COL21A1: variants seen among roughly 807,000 people sequenced by gnomAD.
COL21A1 encodes the protein collagen alpha-1(XXI) chain.
COL21A1 carries 149 observed loss-of-function variants against 137.9 expected under a neutral mutation model. That is an observed-to-expected ratio of 1.08 (90% confidence interval 0.95 to 1.24). The LOEUF (loss-of-function observed/expected upper bound fraction) is 1.24. Ranked by LOEUF, COL21A1 falls within the 50% of genes most tolerant of loss-of-function variation. The pLI is 0.00. For missense variants in COL21A1, 1,167 were observed against 1,158.4 expected (o/e 1.01, Z -0.11); for synonymous variants, 456 against 391.5 (o/e 1.16, Z -1.95).
chr6:56,188,843 A>G (rs1345695779), intron 1 of COL21A1, among the ~76,000 whole-genome samples: 1 of 152,180 alleles, frequency 6.6e-6, no homozygotes, highest in Non-Finnish European at 1.5e-5. Flanking sequence ...GGCAAACAGG[A>G]TGTGGAATGG....
At chr6:56,185,431 T>TTTTTTTTC in intron 1 of COL21A1, among the ~76,000 whole-genome samples, 1 of 128,910 alleles carries the variant, frequency 7.8e-6, no homozygotes, top group Non-Finnish European at 1.6e-5. Context: ...ACAGTCTTTT[T>TTTTTTTTC]TTTTTTTTTT....
chr6:56,100,179 C>T (rs1582353029), intron 17 of COL21A1, among the ~76,000 whole-genome samples: 1 of 152,298 alleles, frequency 6.6e-6, no homozygotes, highest in South Asian at 2.1e-4. Context: ...ATTTCCTGGG[C>T]ACACCTTTAA....
intron 12 of COL21A1, among the ~76,000 whole-genome samples, chr6:56,129,675 C>CATGTGT (rs1258564310): frequency 7.3e-6 from 1 of 136,414 alleles, no homozygotes; most frequent in Non-Finnish European, 1.5e-5. Flanking sequence ...CACGTGCGTG[C>CATGTGT]GTGTGTGTGT....
chr6:56,381,639 G>A lies in COL21A1; in HGVS notation c.-39+12332C>T, dbSNP rs144008981. On this transcript the variant is annotated intron_variant, in intron 1 of 28. Transcript: ENST00000370819. Reference sequence around the variant, plus strand: ...TTTGGGTGTCACATTAAATTTCACCGAACATAAGCTACAAAAGTTGCTTTT... The same window carrying A: ...TTTGGGTGTCACATTAAATTTCACCAAACATAAGCTACAAAAGTTGCTTTT... Among the ~76,000 whole-genome samples the A allele has an allele frequency of 7.9e-5, 12 of 152,230 alleles. 2 individuals carry two copies. Among genetic ancestry groups the A allele is most frequent in the African/African-American group, 2.4e-4 (10 of 41,548 alleles).
intron 1 of COL21A1, among the ~76,000 whole-genome samples, chr6:56,393,688 G>A (rs1477267372): frequency 1.3e-5 from 2 of 152,130 alleles, no homozygotes; most frequent in Admixed American, 1.3e-4. Flanking sequence ...AGAAACCACA[G>A]GCCCTTTGAA....
chr6:56,068,136 T>C (rs950823885), intron 22 of COL21A1, among the ~76,000 whole-genome samples: 4 of 151,634 alleles, frequency 2.6e-5, no homozygotes, highest in Non-Finnish European at 5.9e-5. Context: ...ATGGCTGTTA[T>C]GTGGGGACAC....
At chr6:56,390,616 C>A (rs1008070239) in intron 1 of COL21A1, among the ~76,000 whole-genome samples, 1 of 149,310 alleles carries the variant, frequency 6.7e-6, no homozygotes, top group South Asian at 2.1e-4. Flanking sequence ...GAAAAAATAT[C>A]CAATGCAAAT....
chr6:56,141,294 G>A (rs1240717633), intron 12 of COL21A1, among the ~76,000 whole-genome samples: 2 of 152,154 alleles, frequency 1.3e-5, no homozygotes, highest in African/African-American at 4.8e-5. Context: ...TCAACAACAT[G>A]AATGAACCTG....
chr6:56,350,572 C>A (rs1282027055), intron 1 of COL21A1, among the ~76,000 whole-genome samples: 1 of 152,158 alleles, frequency 6.6e-6, no homozygotes, highest in Admixed American at 6.5e-5. Context: ...ATATACTCAA[C>A]AAGAACACTG....
intron 1 of COL21A1, among the ~76,000 whole-genome samples, chr6:56,219,605 CTGT>C (rs1429201587): frequency 6.6e-6 from 1 of 152,042 alleles, no homozygotes; most frequent in Non-Finnish European, 1.5e-5. Flanking sequence ...GTTTACAAAA[CTGT>C]TATTAACAAA....
chr6:56,371,075 C>A (rs2093987800), intron 1 of COL21A1, among the ~76,000 whole-genome samples: 1 of 152,174 alleles, frequency 6.6e-6, no homozygotes, highest in Admixed American at 6.5e-5. Flanking sequence ...TTCTGCTCAC[C>A]AGTTACTCAT....
intron 10 of COL21A1, among the ~76,000 whole-genome samples, chr6:56,154,048 G>A (rs1425776487): frequency 6.6e-6 from 1 of 152,100 alleles, no homozygotes; most frequent in East Asian, 1.9e-4. Flanking sequence ...TTCACATTGA[G>A]ATTTAATTAC....
At position 56,111,097 on chromosome 6, in the gene COL21A1, C is replaced by T. The variant is rs1382176242; in HGVS notation, c.1759-9572G>A. 6.7e-5 allele frequency among the ~76,000 whole-genome samples: 10 copies of T among 149,424 alleles called. No individual in the cohort carries two copies. The East Asian group carries it at 1.8e-3, about 26-fold the overall frequency. ...CACCAATGAATTTTCATCTGGGTAG[C>T]ATGTACATTCTGATTTGATAAAAAG... On this transcript the variant is annotated intron_variant, in intron 16 of 29. Transcript: ENST00000244728.
chr6:56,343,873 G>A (rs1765525519), intron 1 of COL21A1, among the ~76,000 whole-genome samples: 1 of 152,138 alleles, frequency 6.6e-6, no homozygotes. Context: ...TTGAGCCCAG[G>A]AGGTCAAGGC....
chr6:56,391,482 T>A (rs1451734512), intron 1 of COL21A1, among the ~76,000 whole-genome samples: 2 of 151,804 alleles, frequency 1.3e-5, no homozygotes, highest in African/African-American at 4.8e-5. Context: ...ACACAAAGTA[T>A]CAATAAAATG....
chr6:56,231,251 G>T (rs1781536404), intron 1 of COL21A1: 1 of 151,766 alleles, frequency 6.6e-6, no homozygotes, highest in African/African-American at 2.4e-5. Flanking sequence ...AAAATAACTT[G>T]GTGTGCGATT....
chr6:56,347,942 AT>A (rs1350603176), intron 1 of COL21A1, among the ~76,000 whole-genome samples: 1 of 152,234 alleles, frequency 6.6e-6, no homozygotes, highest in Non-Finnish European at 1.5e-5. Context: ...TCAATTTAAT[AT>A]TTAAAAAATA....
At chr6:56,132,205 A>G (rs1773614158) in intron 12 of COL21A1, among the ~76,000 whole-genome samples, 1 of 151,992 alleles carries the variant, frequency 6.6e-6, no homozygotes, top group African/African-American at 2.4e-5. Flanking sequence ...TTTGGGACTA[A>G]TATCAAAAAA....
chr6:56,270,232 G>A (rs770401251), intron 1 of COL21A1, among the ~76,000 whole-genome samples: 9 of 152,102 alleles, frequency 5.9e-5, no homozygotes, highest in South Asian at 4.1e-4. Flanking sequence ...GATCTACCCC[G>A]CAAATGGAAA....
Sources: allele counts gnomAD v4.1 joint callset (sites outside exome capture counted in the v4.1 genomes callset), GRCh38; gene constraint gnomAD v4.1.1; transcripts MANE v1.5; gene names NCBI Gene and HGNC (gene_info 2026-07-23, HGNC 2026-07-21).